The following CCS variants were observed in gnomAD, a reference collection of about 807,000 sequenced individuals.
CCS encodes copper chaperone for superoxide dismutase, also known as superoxide dismutase copper chaperone.
Under a neutral mutation model 35.5 loss-of-function variants are expected in CCS, and 32 were observed. The ratio of observed to expected loss-of-function variants is 0.90; its 90% CI spans 0.68 to 1.21. CCS has a LOEUF of 1.21. Ranked by LOEUF, CCS falls within the 50% of genes most tolerant of loss-of-function variation. The pLI is 0.00. For missense variants in CCS, 342 were observed against 375.4 expected (o/e 0.91, Z 0.73); for synonymous variants, 130 against 147.2 (o/e 0.88, Z 0.84).
In CCS at chr11:66,600,529, G is replaced by T; in HGVS notation, c.469G>T (p.Gly157Cys). The T allele has an allele frequency of 1.3e-6, 2 of 1,531,424 alleles. No individual in the cohort carries two copies. The highest frequency in any genetic ancestry group is 1.8e-6 in the Non-Finnish European group (2 of 1,133,928). The allele number at this position is 1,531,424 out of a possible 1,614,324, so 94.9% of individuals were successfully genotyped here. The change falls in exon 5 of 8, where the codon GGC becomes TGC. Residue 157 changes from glycine (G) to cysteine (C), a missense_variant. Gly to Cys is a radical substitution (Grantham distance 159). Coordinates refer to ENST00000533244, the MANE Select transcript of CCS (RefSeq NM_005125.2). ...HFNPDGASHG[G>C]PQDSDRHRGD... The stretch of plus-strand genomic sequence containing the variant: ...TAACCCTGATGGAGCATCTCATGGG[G>T]GCCCCCAGGACTCTGACCGGGTAAG...
intron 2 of CCS, among the ~76,000 whole-genome samples, chr11:66,597,201 G>A (rs1167432610): frequency 6.6e-6 from 1 of 152,206 alleles, no homozygotes; most frequent in Non-Finnish European, 1.5e-5. Context: ...GCTCACACCT[G>A]TAATTCCAGC....
At chr11:66,600,403 G>A in intron 4 of CCS, 86 bp from the exon 5 acceptor site, 2 of 796,302 alleles carry the variant, frequency 2.5e-6, no homozygotes, top group Non-Finnish European at 3.9e-6. Context: ...ATGAATGAAT[G>A]AATGAAGCAA....
intron 5 of CCS, among the ~76,000 whole-genome samples, chr11:66,602,734 C>T (rs1279666922): frequency 1.3e-5 from 2 of 152,222 alleles, no homozygotes; most frequent in Non-Finnish European, 2.9e-5. Context: ...GTCTTGTGAC[C>T]TGTGTTTTCT....
Position 66,605,976 on chromosome 11 carries a change from T to C in CCS, c.*121T>C. On this transcript the variant is annotated 3_prime_UTR_variant, in exon 8 of 8. Coordinates refer to ENST00000533244, the MANE Select transcript of CCS (RefSeq NM_005125.2). ...GAGCTCAGTACAGGGCAGGAGCTGC[T>C]GTGGTGTTCCCTTGGCAAATGAAAG... is the stretch of plus-strand genomic sequence containing the variant. 9.6e-7 allele frequency: 1 copy of C among 1,041,550 alleles called. No individual in the cohort carries two copies. The highest frequency in any genetic ancestry group is 2.6e-5 in the South Asian group (1 of 38,532). 64.5% of individuals were successfully genotyped at this position (1,041,550 alleles called of 1,614,324 possible).
chr11:66,605,477 C>T lies in CCS; in HGVS notation c.568-12C>T. 1.2e-6 allele frequency: 2 copies of T among 1,613,634 alleles called. No individual in the cohort carries two copies. Among genetic ancestry groups the T allele is most frequent in the Non-Finnish European group, 1.7e-6 (2 of 1,179,620 alleles). On this transcript the variant is annotated splice_polypyrimidine_tract_variant and intron_variant, in intron 6 of 7. Transcript: ENST00000533244. ...AGGGTCCATCATCTGAAGCTGTCGT[C>T]TCCCCTCAAAGGTGTGGGATGTGAT...
intron 5 of CCS, among the ~76,000 whole-genome samples, chr11:66,603,216 C>A (rs1361851755): frequency 6.6e-6 from 1 of 152,262 alleles, no homozygotes; most frequent in Non-Finnish European, 1.5e-5. Flanking sequence ...GGAAAGGCTG[C>A]CTTTCCCTGA....
In CCS at chr11:66,605,430, G is replaced by A. The variant is rs369528173; in HGVS notation, c.567+14G>A. 3 of 1,614,120 alleles carry A rather than the reference G, an allele frequency of 1.9e-6. No individual in the cohort carries two copies. The highest frequency in any genetic ancestry group is 2.5e-6 in the Non-Finnish European group (3 of 1,179,962). On this transcript the variant is annotated intron_variant, in intron 6 of 7. Transcript: ENST00000533244. Reference sequence around the variant, plus strand: ...GAGCAGCTGAAGGTAAGGTGGAAAAGAAGGTGGGCACCCTTCCTAACAGGG... The same window carrying A: ...GAGCAGCTGAAGGTAAGGTGGAAAAAAAGGTGGGCACCCTTCCTAACAGGG...
chr11:66,593,238 C>T lies in CCS; in HGVS notation c.-24C>T, dbSNP rs1858412038. ...CTCCTGCGCCGGAGGAGTTCTGCGT[C>T]TCGGGGTGGTGACTGGGTCCAGAAT... is the stretch of plus-strand genomic sequence containing the variant. On this transcript the variant is annotated 5_prime_UTR_variant, in exon 1 of 8. Coordinates refer to ENST00000533244, the MANE Select transcript of CCS (RefSeq NM_005125.2). 6 of 1,558,346 alleles carry T rather than the reference C, an allele frequency of 3.9e-6. No individual in the cohort carries two copies. Among genetic ancestry groups the T allele is most frequent in the Non-Finnish European group, 5.2e-6 (6 of 1,151,470 alleles).
intron 5 of CCS, among the ~76,000 whole-genome samples, chr11:66,604,569 C>T (rs1449938303): frequency 1.3e-5 from 2 of 152,132 alleles, no homozygotes; most frequent in African/African-American, 4.8e-5. Flanking sequence ...CCTTGTCACC[C>T]CAAAACACAC....
intron 5 of CCS, among the ~76,000 whole-genome samples, chr11:66,603,284 C>T (rs1186661883): frequency 2.0e-5 from 3 of 152,226 alleles, no homozygotes; most frequent in African/African-American, 7.2e-5. Flanking sequence ...GCCTTGAGGC[C>T]GCTCCTCCAG....
chr11:66,599,136 C>T lies in CCS; in HGVS notation c.133C>T (p.His45Tyr). 6.2e-7 allele frequency: 1 copy of T among 1,614,148 alleles called. No homozygotes were observed. Among genetic ancestry groups the T allele is most frequent in the Non-Finnish European group, 8.5e-7 (1 of 1,180,042 alleles). Residue 45 changes from histidine (H) to tyrosine (Y), a missense_variant, in exon 3 of 8, where the codon CAC becomes TAC. By Grantham distance (83) the His-to-Tyr change is moderately conservative. Transcript: ENST00000533244. ...GVAGVQDVEV[H>Y]LEDQMVLVHT... Reference sequence around the variant, plus strand: ...GCCAGGTGTCCAGGATGTGGAGGTGCACTTGGAGGACCAGATGGTCTTGGT... The same window carrying T: ...GCCAGGTGTCCAGGATGTGGAGGTGTACTTGGAGGACCAGATGGTCTTGGT...
chr11:66,601,475 A>C lies in CCS; in HGVS notation c.489+926A>C, dbSNP rs1306972444. On this transcript the variant is annotated intron_variant, in intron 5 of 7. Transcript: ENST00000533244. ...AACCATGGTATGTGTTGCTTAATGC[A>C]TGTTACTGATTTTTTGGACTTTTCA... Among the ~76,000 whole-genome samples the C allele has an allele frequency of 2.6e-5, 4 of 152,278 alleles. No individual in the cohort carries two copies. The East Asian group carries it at 7.7e-4, about 29-fold the overall frequency.
rs180829637 is a variant in CCS, at chr11:66,604,030, A to G, written c.490-1309A>G. ...GGCAACAGAGTGAGACTCTGTCTCA[A>G]TAAATAAATAAATAAATAAATAAAT... On this transcript the variant is annotated intron_variant, in intron 5 of 7. Transcript: ENST00000533244. Among the ~76,000 whole-genome samples the G allele has an allele frequency of 4.7e-3, 703 of 150,324 alleles. 4 individuals are homozygous for G. Among genetic ancestry groups the G allele is most frequent in the African/African-American group, 0.016 (672 of 41,088 alleles).
At chr11:66,596,268 T>C (rs1344610790) in intron 2 of CCS, among the ~76,000 whole-genome samples, 1 of 152,052 alleles carries the variant, frequency 6.6e-6, no homozygotes, top group Non-Finnish European at 1.5e-5. Flanking sequence ...AGTTTTGCCA[T>C]GTTGGCAAGG....
chr11:66,596,682 C>T (rs1858482934), intron 2 of CCS, among the ~76,000 whole-genome samples: 1 of 151,902 alleles, frequency 6.6e-6, no homozygotes, highest in African/African-American at 2.4e-5. Context: ...GCCCGGCCGA[C>T]AACTGACTTT....
intron 5 of CCS, among the ~76,000 whole-genome samples, chr11:66,603,692 A>C (rs1271347960): frequency 6.6e-6 from 1 of 152,150 alleles, no homozygotes; most frequent in Non-Finnish European, 1.5e-5. Context: ...TAAAAATACA[A>C]AAAATTAGCC....
chr11:66,605,606 G>A lies in CCS; in HGVS notation c.671+14G>A. 2 of 1,610,508 alleles carry A rather than the reference G, an allele frequency of 1.2e-6. No individual in the cohort carries two copies. The highest frequency in any genetic ancestry group is 1.7e-6 in the Non-Finnish European group (2 of 1,178,078). On this transcript the variant is annotated intron_variant, in intron 7 of 7. Transcript: ENST00000533244. ...CTCCGGGGAGAGGTGAGTGGTGTCG[G>A]CCCCTGTAGGAGGCTGTGCTCTGCG... is the stretch of plus-strand genomic sequence containing the variant.
intron 4 of CCS, 198 bp from the exon 5 acceptor site, chr11:66,600,291 C>G (rs1400458253): frequency 7.5e-6 from 3 of 400,034 alleles, no homozygotes; most frequent in African/African-American, 2.1e-5. Flanking sequence ...CTGTGAGTCC[C>G]CTGAGCCAGA....
intron 4 of CCS, chr11:66,600,245 T>G: frequency 2.7e-6 from 1 of 363,858 alleles, no homozygotes; most frequent in Middle Eastern, 6.7e-4. Flanking sequence ...TGCCATGGTG[T>G]TTGTCATGCT....
Sources: allele counts gnomAD v4.1 joint callset (sites outside exome capture counted in the v4.1 genomes callset), GRCh38; gene constraint gnomAD v4.1.1; transcripts MANE v1.5; gene names NCBI Gene and HGNC (gene_info 2026-07-23, HGNC 2026-07-21).